The following WDPCP variants were observed in gnomAD, a reference collection of about 807,000 sequenced individuals.
The protein encoded by WDPCP is WD repeat containing planar cell polarity effector.
In WDPCP, 71 loss-of-function variants were observed where a neutral mutation model predicts 93.1. The observed-to-expected ratio is 0.76, with a 90% confidence interval of 0.63 to 0.93. WDPCP has a LOEUF of 0.93. Among genes scored for constraint, WDPCP ranks in the 40% least tolerant of loss-of-function variants. The pLI is 0.00. For missense variants in WDPCP, 844 were observed against 887.4 expected (o/e 0.95, Z 0.62); for synonymous variants, 315 against 315.0 (o/e 1.00, Z 0.00).
intron 2 of WDPCP, among the ~76,000 whole-genome samples, chr2:63,670,381 TA>T (rs1378434065): frequency 6.6e-6 from 1 of 152,138 alleles, no homozygotes; most frequent in East Asian, 1.9e-4. Flanking sequence ...GGAGAATCTA[TA>T]TGAATCTTGA....
chr2:63,531,862 T>G (rs1259728051), intron 1 of WDPCP, among the ~76,000 whole-genome samples: 1 of 152,100 alleles, frequency 6.6e-6, no homozygotes, highest in Non-Finnish European at 1.5e-5. Flanking sequence ...GAGAATGACT[T>G]TGATGAATTA....
chr2:63,125,000 G>T (rs1669799014), intron 17 of WDPCP, among the ~76,000 whole-genome samples: 1 of 152,048 alleles, frequency 6.6e-6, no homozygotes, highest in Non-Finnish European at 1.5e-5. Flanking sequence ...CTAGCTAGTG[G>T]TCCACCCTAT....
chr2:63,527,585 T>C (rs936574959), intron 1 of WDPCP, among the ~76,000 whole-genome samples: 2 of 152,060 alleles, frequency 1.3e-5, no homozygotes, highest in African/African-American at 2.4e-5. Context: ...TTCCATGGTG[T>C]ATATGTGCCA....
chr2:63,307,504 G>A (rs532370567), intron 13 of WDPCP, among the ~76,000 whole-genome samples: 6 of 152,114 alleles, frequency 3.9e-5, no homozygotes, highest in East Asian at 1.9e-4. Flanking sequence ...ACAAGTCTAC[G>A]GTAAACAAAA....
chr2:63,638,205 C>T (rs1163019948), intron 3 of WDPCP, among the ~76,000 whole-genome samples: 2 of 152,026 alleles, frequency 1.3e-5, no homozygotes, highest in Non-Finnish European at 2.9e-5. Flanking sequence ...AAGATGAATA[C>T]AATTTGAGGT....
At chr2:63,197,889 T>G (rs1414970880) in intron 14 of WDPCP, among the ~76,000 whole-genome samples, 1 of 152,206 alleles carries the variant, frequency 6.6e-6, no homozygotes, top group Admixed American at 6.5e-5. Context: ...ATAATTTCTC[T>G]GTAATCTTAG....
chr2:63,830,286 T>C (rs557108499), upstream of WDPCP, among the ~76,000 whole-genome samples: 22 of 152,244 alleles, frequency 1.4e-4, no homozygotes, highest in African/African-American at 5.3e-4. Flanking sequence ...CAACAGATCT[T>C]TACTGGAACC....
intron 1 of WDPCP, chr2:63,518,669 G>C (rs1156640058): frequency 2.0e-5 from 3 of 152,434 alleles, no homozygotes; most frequent in Non-Finnish European, 2.9e-5. Flanking sequence ...GACCTGAACA[G>C]TGCAGGACAA....
chr2:63,543,712 G>A (rs542610343), intron 1 of WDPCP, among the ~76,000 whole-genome samples: 33 of 151,874 alleles, frequency 2.2e-4, no homozygotes, highest in Non-Finnish European at 4.4e-4. Flanking sequence ...AAGACACATA[G>A]GCCAAAAGGA....
chr2:63,440,004 T>G, intron 6 of WDPCP, 133 bp from the exon 7 acceptor site: 1 of 662,390 alleles, frequency 1.5e-6, no homozygotes, highest in Admixed American at 2.7e-5. Context: ...TTATAAAGAT[T>G]TTCTTCACTG....
chr2:63,808,957 C>T (rs1226612672), intron 2 of WDPCP, among the ~76,000 whole-genome samples: 1 of 151,982 alleles, frequency 6.6e-6, no homozygotes, highest in Non-Finnish European at 1.5e-5. Context: ...GCCCGGCCTC[C>T]CATCATCTGA....
intron 14 of WDPCP, among the ~76,000 whole-genome samples, chr2:63,182,898 T>C (rs1674357591): frequency 6.6e-6 from 1 of 151,834 alleles, no homozygotes; most frequent in Non-Finnish European, 1.5e-5. Context: ...TCCAGGAATT[T>C]ATATGTCTTC....
chr2:63,361,352 A>T (rs1328674136), intron 12 of WDPCP, among the ~76,000 whole-genome samples: 1 of 152,224 alleles, frequency 6.6e-6, no homozygotes, highest in Non-Finnish European at 1.5e-5. Context: ...GAATATTCTG[A>T]TACTGATCAC....
chr2:63,492,429 A>G (rs1225550665), intron 2 of WDPCP, among the ~76,000 whole-genome samples: 2 of 151,974 alleles, frequency 1.3e-5, no homozygotes, highest in African/African-American at 2.4e-5. Context: ...ATTTATGAAT[A>G]TAAATCTTAT....
At chr2:63,587,734 C>A (rs1310698314) in intron 1 of WDPCP, among the ~76,000 whole-genome samples, 3 of 152,238 alleles carry the variant, frequency 2.0e-5, no homozygotes, top group Admixed American at 1.3e-4. Context: ...CCAGCTGAGA[C>A]TGACTGACTA....
rs1226347362 is a variant in WDPCP, at chr2:63,418,808, ATC to A, written c.826-14153_826-14152del. 2.0e-5 allele frequency among the ~76,000 whole-genome samples: 3 copies of A among 152,220 alleles called. No homozygotes were observed. The South Asian group carries it at 6.2e-4, about 31-fold the overall frequency. ...AAAGTCTAAAAATCTAAAGGAAAATATCTCTGTTTTAATTCTAAGGCAATAGG... is the reference window on the plus strand; with the variant it reads ...AAAGTCTAAAAATCTAAAGGAAAATATCTGTTTTAATTCTAAGGCAATAGG... On this transcript the variant is annotated intron_variant, in intron 9 of 17. Transcript: ENST00000272321.
intron 14 of WDPCP, among the ~76,000 whole-genome samples, chr2:63,257,780 G>A (rs1278008194): frequency 6.6e-6 from 1 of 152,116 alleles, no homozygotes; most frequent in Non-Finnish European, 1.5e-5. Context: ...CTGAAATTTT[G>A]TGATAATCTC....
At chr2:63,313,368 G>T (rs369799786) in intron 12 of WDPCP, 57 bp from the exon 13 acceptor site, 221 of 1,507,984 alleles carry the variant, frequency 1.5e-4, no homozygotes, top group Non-Finnish European at 1.9e-4. Flanking sequence ...TAAAAGAAAA[G>T]AGCTGTTTAT....
intron 10 of WDPCP, among the ~76,000 whole-genome samples, chr2:63,398,855 T>A (rs964771764): frequency 6.6e-6 from 1 of 152,086 alleles, no homozygotes; most frequent in African/African-American, 2.4e-5. Context: ...GAATTATACA[T>A]GAAAACTCCA....
Sources: gnomAD v4.1 joint callset for allele counts (sites outside exome capture counted in the v4.1 genomes callset) on GRCh38, gnomAD v4.1.1 for gene constraint, MANE v1.5 for transcripts, NCBI Gene and HGNC (gene_info 2026-07-23, HGNC 2026-07-21) for gene names.